Variants in SCNN1G observed in about 807,000 individuals in gnomAD.
SCNN1G encodes the protein sodium channel epithelial 1 subunit gamma, also known as epithelial sodium channel subunit gamma.
Under a neutral mutation model 64.6 loss-of-function variants are expected in SCNN1G, and 27 were observed. The ratio of observed to expected loss-of-function variants is 0.42; its 90% CI spans 0.31 to 0.58. SCNN1G has a LOEUF of 0.58. SCNN1G is among the 20% of genes least tolerant of loss of function. The pLI, the probability that SCNN1G is intolerant of heterozygous loss-of-function variation, is 0.18. For missense variants in SCNN1G, 743 were observed against 823.4 expected, an observed-to-expected ratio of 0.90 and a Z score of 1.19; for synonymous variants, 330 against 314.2, an observed-to-expected ratio of 1.05 and a Z score of -0.53.
chr16:23,192,313 G>A (rs1407134305), intron 3 of SCNN1G, 39 bp from the exon 4 acceptor site: 3 of 1,526,742 alleles, frequency 2.0e-6, no homozygotes, highest in South Asian at 1.1e-5. Flanking sequence ...GTAGCGATAG[G>A]ACCGATGGCT....
chr16:23,184,934 C>T (rs937468535), intron 1 of SCNN1G, among the ~76,000 whole-genome samples: 1 of 152,176 alleles, frequency 6.6e-6, no homozygotes, highest in African/African-American at 2.4e-5. Flanking sequence ...CCCCCACCCC[C>T]AATACTAGTG....
In SCNN1G at chr16:23,211,072, C is replaced by G. The variant is rs566298355; in HGVS notation, c.1177-962C>G. Among the ~76,000 whole-genome samples the G allele has an allele frequency of 1.8e-4, 27 of 152,276 alleles. No individual in the cohort carries two copies. In the South Asian group the frequency reaches 4.8e-3, roughly 27 times the overall value. On this transcript the variant is annotated intron_variant, in intron 7 of 12. Transcript: ENST00000300061. ...AAAAAGTGAGCTCATCAGAAAGATA[C>G]TTCTGGATGACATTTAGTGAGAACT... is the stretch of plus-strand genomic sequence containing the variant.
At chr16:23,194,677 G>A (rs1399350726) in intron 5 of SCNN1G, among the ~76,000 whole-genome samples, 1 of 152,178 alleles carries the variant, frequency 6.6e-6, no homozygotes, top group Non-Finnish European at 1.5e-5. Context: ...GATTCTGGAC[G>A]GAGCCGAAAC....
chr16:23,211,097 T>C (rs1960071992), intron 7 of SCNN1G, among the ~76,000 whole-genome samples: 1 of 152,174 alleles, frequency 6.6e-6, no homozygotes, highest in Non-Finnish European at 1.5e-5. Context: ...TAGTGAGAAC[T>C]ACCATGCACA....
intron 7 of SCNN1G, among the ~76,000 whole-genome samples, chr16:23,210,507 T>C (rs1162442450): frequency 6.6e-6 from 1 of 152,198 alleles, no homozygotes; most frequent in Admixed American, 6.5e-5. Flanking sequence ...CCCTCCAGTA[T>C]GTCACTTCCA....
At chr16:23,191,022 T>C (rs1959700398) in intron 3 of SCNN1G, among the ~76,000 whole-genome samples, 1 of 151,916 alleles carries the variant, frequency 6.6e-6, no homozygotes, top group South Asian at 2.1e-4. Context: ...TTTTTGTATC[T>C]TTAGTAAAGA....
Position 23,189,604 on chromosome 16 carries a change from G to T in SCNN1G, c.551G>T (p.Gly184Val), listed in dbSNP as rs569006664. ...FFTGRKRKVG[G>V]SIIHKASNVM... Reference sequence around the variant, plus strand: ...ACAGGGAGGAAGCGGAAAGTCGGCGGTAGCATCATTCACAAGGCTTCAAAT... The same window carrying T: ...ACAGGGAGGAAGCGGAAAGTCGGCGTTAGCATCATTCACAAGGCTTCAAAT... The change falls in exon 3 of 13, where the codon GGT (glycine) becomes GTT (valine). Residue 184 changes from glycine to valine, a missense_variant. Gly to Val is a moderately radical substitution (Grantham distance 109). Coordinates refer to ENST00000300061, the MANE Select transcript of SCNN1G (RefSeq NM_001039.4). 1.9e-5 allele frequency: 31 copies of T among 1,614,234 alleles called. No individual in the cohort carries two copies. The East Asian group carries it at 4.9e-4, about 26-fold the overall frequency.
rs1567262757 is a variant in SCNN1G at position 23,189,503 on chromosome 16, G to A, written c.450G>A (p.Lys150=). 1.9e-6 allele frequency: 3 copies of A among 1,614,224 alleles called. No homozygotes were observed. The highest frequency in any genetic ancestry group is 1.7e-6 in the Non-Finnish European group (2 of 1,180,042). Residue 150 remains lysine (K), a synonymous_variant, in exon 3 of 13, where the codon AAG becomes AAA. Coordinates refer to ENST00000300061, the MANE Select transcript of SCNN1G (RefSeq NM_001039.4). ...AESWNSVSEG[K]QPRFSHRIPL... Reference sequence around the variant, plus strand: ...CCTGGAACTCCGTCTCAGAGGGAAAGCAGCCTAGATTCTCCCACCGGATTC... The same window carrying A: ...CCTGGAACTCCGTCTCAGAGGGAAAACAGCCTAGATTCTCCCACCGGATTC...
chr16:23,213,271 T>TTA, intron 11 of SCNN1G, 108 bp downstream of exon 11: 1 of 777,964 alleles, frequency 1.3e-6, no homozygotes, highest in Non-Finnish European at 2.2e-6. Flanking sequence ...TTTTTTTTTT[T>TTA]TTATGGAGTC....
chr16:23,194,584 A>ATTT (rs1959765513), intron 5 of SCNN1G, among the ~76,000 whole-genome samples: 1 of 152,216 alleles, frequency 6.6e-6, no homozygotes, highest in Non-Finnish European at 1.5e-5. Context: ...AATGCAGGAC[A>ATTT]GGTGGTTTCC....
Position 23,194,168 on chromosome 16 carries a change from T to C in SCNN1G, c.810-3T>C, listed in dbSNP as rs772750771. The C allele has an allele frequency of 6.8e-6, 11 of 1,607,062 alleles. No homozygotes were observed. Among genetic ancestry groups the C allele is most frequent in the Non-Finnish European group, 9.4e-6 (11 of 1,173,756 alleles). On this transcript the variant is annotated splice_polypyrimidine_tract_variant and splice_region_variant and intron_variant, in intron 4 of 12. Coordinates refer to ENST00000300061, the MANE Select transcript of SCNN1G (RefSeq NM_001039.4). ...CTTTCTGACCCATTTTCTTCCTCCATAGGAATTTCACGCTTTTCCACCACC... is the reference window on the plus strand; with the variant it reads ...CTTTCTGACCCATTTTCTTCCTCCACAGGAATTTCACGCTTTTCCACCACC...
rs566227302 is a variant in SCNN1G at position 23,216,065 on chromosome 16, C to CA, written c.*597dup. ...GAGCCCTTGGAGTGTTGGTGGAGAT[C>CA]AGAGTGCCGTGGTGGAGGTCTGGGA... On this transcript the variant is annotated 3_prime_UTR_variant, in exon 13 of 13. Transcript: ENST00000300061. 1.6e-4 allele frequency: 26 copies of CA among 163,638 alleles called. No individual in the cohort carries two copies. The South Asian group carries it at 4.4e-3, about 28-fold the overall frequency. The allele number at this position is 163,638 out of a possible 1,614,324, so 10.1% of individuals were successfully genotyped here.
At chr16:23,193,265 AT>A (rs955972740) in intron 4 of SCNN1G, among the ~76,000 whole-genome samples, 4 of 152,088 alleles carry the variant, frequency 2.6e-5, no homozygotes, top group African/African-American at 9.7e-5. Context: ...AGAAAGGCCC[AT>A]GTTCAAATAT....
rs1960150374 is a variant in SCNN1G, at chr16:23,215,713, T to C, written c.*244T>C. The C allele has an allele frequency of 1.7e-6, 1 of 581,996 alleles. No individual in the cohort carries two copies. The highest frequency in any genetic ancestry group is 2.0e-5 in the South Asian group (1 of 50,482). The allele number at this position is 581,996 out of a possible 1,614,324, so 36.1% of individuals were successfully genotyped here. On this transcript the variant is annotated 3_prime_UTR_variant, in exon 13 of 13. Coordinates refer to ENST00000300061, the MANE Select transcript of SCNN1G (RefSeq NM_001039.4). The stretch of plus-strand genomic sequence containing the variant: ...GAGATAAATCCCGGGACCTGAACTA[T>C]TAGCACGTCACTAGAGACTGGGAGC...
At position 23,215,468 on chromosome 16, in the gene SCNN1G, G is replaced by T; in HGVS notation, c.1949G>T (p.Ter650LeuextTer75). Residue 650 changes from the stop codon to leucine (L), a stop_lost, in exon 13 of 13, where the codon TGA becomes TTA. Transcript: ENST00000300061. Reference sequence around the variant, plus strand: ...GATACCCAGATGCTGGATGAGCTCTGAGGCAGGGTTGAGAAGACAGATCTA... The same window carrying T: ...GATACCCAGATGCTGGATGAGCTCTTAGGCAGGGTTGAGAAGACAGATCTA... Reference protein sequence around the residue: ...LTDTQMLDEL* With the variant: ...LTDTQMLDELL 6.2e-7 allele frequency: 1 copy of T among 1,607,978 alleles called. No homozygotes were observed.
intron 4 of SCNN1G, among the ~76,000 whole-genome samples, 171 bp downstream of exon 4, chr16:23,192,713 G>T (rs1267601328): frequency 6.6e-6 from 1 of 152,140 alleles, no homozygotes; most frequent in Non-Finnish European, 1.5e-5. Context: ...TAGAGTCAGT[G>T]AGTGAGGTAT....
chr16:23,184,259 G>C (rs1959568721), intron 1 of SCNN1G, among the ~76,000 whole-genome samples: 1 of 152,152 alleles, frequency 6.6e-6, no homozygotes, highest in African/African-American at 2.4e-5. Context: ...GGAAGGGGCT[G>C]ATGGGGCAGA....
rs1045769518 is a variant in SCNN1G at position 23,193,085 on chromosome 16, A to C, written c.809+543A>C. ...CTCTTGTCTCAAAAAAAAAAAAAAAAAAAAAAAAAAAACCCAACCCACAAG... is the reference window on the plus strand; with the variant it reads ...CTCTTGTCTCAAAAAAAAAAAAAAACAAAAAAAAAAAACCCAACCCACAAG... On this transcript the variant is annotated intron_variant, in intron 4 of 12. Coordinates refer to ENST00000300061, the MANE Select transcript of SCNN1G (RefSeq NM_001039.4). 1.5e-3 allele frequency among the ~76,000 whole-genome samples: 224 copies of C among 151,158 alleles called. 2 individuals carry two copies. The highest frequency in any genetic ancestry group is 4.7e-3 in the African/African-American group (195 of 41,196).
intron 7 of SCNN1G, among the ~76,000 whole-genome samples, chr16:23,211,562 C>T (rs1960079300): frequency 6.6e-6 from 1 of 152,224 alleles, no homozygotes; most frequent in African/African-American, 2.4e-5. Flanking sequence ...ATAATCCCAG[C>T]ATTTTGGAAA....
Sources: allele counts gnomAD v4.1 joint callset (sites outside exome capture counted in the v4.1 genomes callset), GRCh38; gene constraint gnomAD v4.1.1; transcripts MANE v1.5; gene names NCBI Gene and HGNC (gene_info 2026-07-23, HGNC 2026-07-21).